Variants in PPM1H observed in about 807,000 individuals in gnomAD.
The protein encoded by PPM1H is protein phosphatase, Mg2+/Mn2+ dependent 1H.
Under a neutral mutation model 54.9 loss-of-function variants are expected in PPM1H, and 27 were observed. The ratio of observed to expected loss-of-function variants is 0.49; its 90% CI spans 0.36 to 0.68. The LOEUF is 0.68. Among genes scored for constraint, PPM1H ranks in the 30% least tolerant of loss-of-function variants. The pLI is 0.00. For missense variants in PPM1H, 596 were observed against 667.8 expected, an observed-to-expected ratio of 0.89 and a Z score of 1.19; for synonymous variants, 305 against 270.8, an observed-to-expected ratio of 1.13 and a Z score of -1.24.
intron 2 of PPM1H, among the ~76,000 whole-genome samples, chr12:62,823,376 T>C (rs1021318412): frequency 6.6e-6 from 1 of 152,128 alleles, no homozygotes; most frequent in Non-Finnish European, 1.5e-5. Context: ...AAGAGGGAAT[T>C]CTTCCTAACT....
intron 6 of PPM1H, among the ~76,000 whole-genome samples, chr12:62,714,744 TG>T: frequency 6.6e-6 from 1 of 152,310 alleles, no homozygotes; most frequent in Admixed American, 6.5e-5. Flanking sequence ...CAGTCCAGCC[TG>T]CCCCTGAAAT....
At chr12:62,723,816 G>A (rs1195635462) in intron 5 of PPM1H, among the ~76,000 whole-genome samples, 1 of 152,094 alleles carries the variant, frequency 6.6e-6, no homozygotes, top group East Asian at 1.9e-4. Context: ...ACATTCCTGA[G>A]CACATTTCTT....
intron 1 of PPM1H, among the ~76,000 whole-genome samples, chr12:62,895,265 C>T (rs1333311163): frequency 6.6e-6 from 1 of 152,158 alleles, no homozygotes; most frequent in Non-Finnish European, 1.5e-5. Context: ...AGCCAATAGT[C>T]TCAGAAAGAA....
intron 1 of PPM1H, among the ~76,000 whole-genome samples, chr12:62,849,698 A>G (rs996337065): frequency 1.3e-5 from 2 of 151,708 alleles, no homozygotes; most frequent in Non-Finnish European, 2.9e-5. Flanking sequence ...GTACTAAAAT[A>G]CTCTCCCCTC....
chr12:62,716,044 C>A (rs2076232881), intron 6 of PPM1H, among the ~76,000 whole-genome samples: 1 of 152,056 alleles, frequency 6.6e-6, no homozygotes, highest in Non-Finnish European at 1.5e-5. Context: ...TAGAAAGAAC[C>A]CCAACAAAAA....
chr12:62,818,180 T>G (rs953607353), intron 2 of PPM1H, among the ~76,000 whole-genome samples: 3 of 152,226 alleles, frequency 2.0e-5, no homozygotes, highest in Admixed American at 2.0e-4. Flanking sequence ...ACGCACTTCT[T>G]AACACTAGGT....
chr12:62,908,936 G>A (rs367900098), intron 1 of PPM1H, among the ~76,000 whole-genome samples: 1 of 152,076 alleles, frequency 6.6e-6, no homozygotes, highest in African/African-American at 2.4e-5. Context: ...GGGTGGATTT[G>A]GGATTGGAAC....
chr12:62,801,464 A>G (rs2076768840), intron 3 of PPM1H, among the ~76,000 whole-genome samples: 1 of 152,046 alleles, frequency 6.6e-6, no homozygotes, highest in African/African-American at 2.4e-5. Context: ...ATTACAGGCA[A>G]CGGCCATCAT....
At chr12:62,710,026 C>A (rs887648576) in intron 6 of PPM1H, among the ~76,000 whole-genome samples, 2 of 152,040 alleles carry the variant, frequency 1.3e-5, no homozygotes, top group South Asian at 4.1e-4. Context: ...GCCGAGATCA[C>A]GCCATTCATT....
intron 1 of PPM1H, among the ~76,000 whole-genome samples, chr12:62,832,896 T>C (rs140971209): frequency 6.6e-6 from 1 of 152,322 alleles, no homozygotes; most frequent in South Asian, 2.1e-4. Context: ...CACTGGGCTA[T>C]AGGCACTCTG....
intron 2 of PPM1H, among the ~76,000 whole-genome samples, chr12:62,820,877 C>G (rs1046555322): frequency 1.3e-5 from 2 of 152,228 alleles, no homozygotes; most frequent in African/African-American, 4.8e-5. Flanking sequence ...CAAAGGATCA[C>G]AGCTCCTCTC....
At chr12:62,763,078 G>A (rs1592586135) in intron 4 of PPM1H, among the ~76,000 whole-genome samples, 2 of 152,110 alleles carry the variant, frequency 1.3e-5, no homozygotes, top group African/African-American at 2.4e-5. Context: ...TGATGGTCCC[G>A]AAGTCCCCAA....
At position 62,934,562 on chromosome 12, in the gene PPM1H, C is replaced by T. The variant is rs781527650; in HGVS notation, c.175G>A (p.Asp59Asn). The T allele has an allele frequency of 2.6e-6, 4 of 1,553,670 alleles. No individual in the cohort carries two copies. The African/African-American group carries it at 4.1e-5, about 16-fold the overall frequency. Residue 59 changes from aspartate (D) to asparagine (N), a missense_variant, in exon 1 of 10, where the codon GAC becomes AAC. Physicochemically the swap from Asp to Asn is conservative, Grantham distance 23. Transcript: ENST00000228705. This position sits in a 1 kb window ranked among gnomAD's most constrained non-coding sequence, Gnocchi z 4.2. ...LSQDEVECSA[D>N]HIARPILILK... Reference sequence around the variant, plus strand: ...ATGAGGATGGGGCGGGCGATGTGGTCGGCGCTGCACTCCACCTCGTCCTGA... The same window carrying T: ...ATGAGGATGGGGCGGGCGATGTGGTTGGCGCTGCACTCCACCTCGTCCTGA...
At chr12:62,655,638 A>C (rs920439671) in intron 9 of PPM1H, among the ~76,000 whole-genome samples, 8 of 152,202 alleles carry the variant, frequency 5.3e-5, no homozygotes, top group African/African-American at 1.9e-4. Context: ...AGCAGCCAAG[A>C]AGAATATGGT....
At chr12:62,728,396 T>C (rs147532481) in intron 5 of PPM1H, among the ~76,000 whole-genome samples, 2 of 152,246 alleles carry the variant, frequency 1.3e-5, no homozygotes, top group East Asian at 1.9e-4. Flanking sequence ...AGTAGGGGAA[T>C]TGGATGTCTT....
At chr12:62,747,734 C>G (rs538240113) in intron 4 of PPM1H, among the ~76,000 whole-genome samples, 1 of 152,152 alleles carries the variant, frequency 6.6e-6, no homozygotes, top group Non-Finnish European at 1.5e-5. Context: ...AGACAAAATC[C>G]CAAAATTCAC....
In PPM1H at chr12:62,755,974, G is replaced by T. The variant is rs542550166; in HGVS notation, c.870-18388C>A. 569 of 1,157,312 alleles carry T rather than the reference G, an allele frequency of 4.9e-4. 3 individuals are homozygous for T. The Middle Eastern group carries it at 6.7e-3, about 14-fold the overall frequency. 71.7% of individuals were successfully genotyped at this position (1,157,312 alleles called of 1,614,324 possible). A position where few individuals can be genotyped will look rare whatever the true frequency, so the allele number is the denominator to read the frequency against. On this transcript the variant is annotated intron_variant, in intron 4 of 9. Transcript: ENST00000228705. Reference sequence around the variant, plus strand: ...CAGTTGTGGGCCTGAACTGCTGTCTGGAAAAACTGCCAAATATGATGACAT... The same window carrying T: ...CAGTTGTGGGCCTGAACTGCTGTCTTGAAAAACTGCCAAATATGATGACAT...
At chr12:62,857,393 GGTT>G (rs1442251698) in intron 1 of PPM1H, among the ~76,000 whole-genome samples, 13 of 152,234 alleles carry the variant, frequency 8.5e-5, no homozygotes, top group African/African-American at 2.9e-4. Flanking sequence ...GAAGAATGGT[GGTT>G]GTGATCAATG....
At chr12:62,879,779 A>T (rs563257914) in intron 1 of PPM1H, among the ~76,000 whole-genome samples, 24 of 152,202 alleles carry the variant, frequency 1.6e-4, no homozygotes, top group South Asian at 4.1e-4. Context: ...ATAAAAAATT[A>T]AAAAAATAAA....
Sources: allele counts gnomAD v4.1 joint callset (sites outside exome capture counted in the v4.1 genomes callset), GRCh38; gene constraint gnomAD v4.1.1; non-coding constraint Gnocchi (gnomAD v3.1); transcripts MANE v1.5; gene names NCBI Gene and HGNC (gene_info 2026-07-23, HGNC 2026-07-21).